EXOC4: variants seen among roughly 807,000 people sequenced by gnomAD.
EXOC4 encodes the protein SEC8-like 1.
EXOC4 carries 71 observed loss-of-function variants against 107.2 expected under a neutral mutation model. The observed-to-expected ratio is 0.66, with a 90% confidence interval of 0.55 to 0.81. The LOEUF (loss-of-function observed/expected upper bound fraction) is 0.81, where lower values mean the gene tolerates loss of function less well. Among genes scored for constraint, EXOC4 ranks in the 30% least tolerant of loss-of-function variants. The probability of loss-of-function intolerance (pLI) is 0.00; values close to 1 mark genes in which losing one functional copy is unlikely to be tolerated. For missense variants in EXOC4, 1,108 were observed against 1,189.6 expected, an observed-to-expected ratio of 0.93 and a Z score of 1.01; for synonymous variants, 456 against 441.2, an observed-to-expected ratio of 1.03 and a Z score of -0.42.
intron 5 of EXOC4, among the ~76,000 whole-genome samples, chr7:133,339,866 C>CT: frequency 6.6e-6 from 1 of 152,144 alleles, no homozygotes; most frequent in Admixed American, 6.5e-5. Flanking sequence ...ATTTTGTACT[C>CT]TGAAACTTCA....
intron 11 of EXOC4, among the ~76,000 whole-genome samples, chr7:133,887,474 C>T (rs958415348): frequency 9.2e-5 from 14 of 152,152 alleles, no homozygotes; most frequent in Non-Finnish European, 1.8e-4. Context: ...AGACGAAATA[C>T]ACCTGAGATG....
Position 134,007,910 on chromosome 7 carries a change from T to C in EXOC4, c.2687+75T>C, listed in dbSNP as rs1214457786. 2.2e-6 allele frequency: 3 copies of C among 1,375,570 alleles called. No homozygotes were observed. In the African/African-American group the frequency reaches 4.3e-5, roughly 20 times the overall value. 85.2% of individuals were successfully genotyped at this position (1,375,570 alleles called of 1,614,324 possible). ...TTGCCTGTGAAGTCATTTTTAAAAA[T>C]AGACTCTTGGTGCAGAAAAAGCTTA... is the stretch of plus-strand genomic sequence containing the variant. On this transcript the variant is annotated intron_variant, in intron 17 of 17. Transcript: ENST00000253861.
intron 10 of EXOC4, among the ~76,000 whole-genome samples, chr7:133,750,768 AG>A (rs1795779413): frequency 6.6e-6 from 1 of 151,952 alleles, no homozygotes; most frequent in Admixed American, 6.6e-5. Context: ...TTCTGTAGAT[AG>A]GGGATCTCCC....
chr7:133,792,036 A>G (rs1005697398), intron 10 of EXOC4, among the ~76,000 whole-genome samples: 9 of 152,064 alleles, frequency 5.9e-5, no homozygotes, highest in African/African-American at 2.2e-4. Context: ...GGTACCTTTG[A>G]GAATCTGATG....
chr7:133,994,045 T>C (rs1298744089), intron 14 of EXOC4, among the ~76,000 whole-genome samples: 2 of 152,208 alleles, frequency 1.3e-5, no homozygotes, highest in East Asian at 1.9e-4. Context: ...CAAAGACCAA[T>C]GTTCAGCTTC....
At chr7:133,400,438 A>C (rs1304710336) in intron 7 of EXOC4, among the ~76,000 whole-genome samples, 1 of 152,200 alleles carries the variant, frequency 6.6e-6, no homozygotes, top group Non-Finnish European at 1.5e-5. Flanking sequence ...CCATGTAATA[A>C]GTTACTTCCT....
chr7:133,928,657 C>G (rs1260703121), intron 13 of EXOC4, among the ~76,000 whole-genome samples: 1 of 152,106 alleles, frequency 6.6e-6, no homozygotes, highest in Non-Finnish European at 1.5e-5. Context: ...TGAGTCAAAC[C>G]AGTAAGCAGA....
At chr7:133,813,502 G>A (rs188166677) in intron 10 of EXOC4, among the ~76,000 whole-genome samples, 1 of 152,064 alleles carries the variant, frequency 6.6e-6, no homozygotes, top group Non-Finnish European at 1.5e-5. Flanking sequence ...GTTTTCTTTT[G>A]GAAGGCAACC....
At chr7:133,947,337 G>A (rs929335153) in intron 14 of EXOC4, among the ~76,000 whole-genome samples, 1 of 152,098 alleles carries the variant, frequency 6.6e-6, no homozygotes, top group African/African-American at 2.4e-5. Flanking sequence ...TTGTGTGGTT[G>A]CTTTCAAAAC....
chr7:133,404,871 G>GCCC (rs149404161), intron 7 of EXOC4, among the ~76,000 whole-genome samples: 1 of 86,718 alleles, frequency 1.2e-5, no homozygotes, highest in Non-Finnish European at 2.3e-5. Context: ...CACCCCCTGC[G>GCCC]CCCCCCCCCC....
intron 10 of EXOC4, among the ~76,000 whole-genome samples, chr7:133,747,545 A>G (rs1261804502): frequency 6.6e-6 from 1 of 152,204 alleles, no homozygotes; most frequent in Non-Finnish European, 1.5e-5. Context: ...TTTATTTAAA[A>G]TCACACTAGA....
At chr7:133,795,976 A>G (rs1042556399) in intron 10 of EXOC4, among the ~76,000 whole-genome samples, 5 of 152,204 alleles carry the variant, frequency 3.3e-5, no homozygotes, top group South Asian at 2.1e-4. Context: ...ATTGATCACT[A>G]TGGTAGATAC....
chr7:133,671,187 T>C (rs917225007), intron 10 of EXOC4, among the ~76,000 whole-genome samples: 6 of 152,188 alleles, frequency 3.9e-5, no homozygotes, highest in Non-Finnish European at 8.8e-5. Flanking sequence ...TAATAAGGAC[T>C]TTGAATTTTA....
At chr7:133,611,559 A>G (rs908741282) in intron 9 of EXOC4, among the ~76,000 whole-genome samples, 1 of 151,010 alleles carries the variant, frequency 6.6e-6, no homozygotes, top group Non-Finnish European at 1.5e-5. Flanking sequence ...TGGTCTGCCT[A>G]CCTCCCTTCT....
At chr7:133,695,250 T>C (rs4731977) in intron 10 of EXOC4, among the ~76,000 whole-genome samples, 149,829 of 152,064 alleles carry the variant, frequency 0.99, 73,867 homozygotes, top group Middle Eastern at 1. Context: ...TGGGTTTTTT[T>C]ATTTAACATA....
intron 13 of EXOC4, among the ~76,000 whole-genome samples, chr7:133,923,025 G>A (rs1429680147): frequency 1.5e-4 from 22 of 151,510 alleles, no homozygotes; most frequent in Non-Finnish European, 3.1e-4. Context: ...CATTTTGGTT[G>A]GGTATATCCT....
At chr7:133,849,720 G>A (rs574539264) in intron 11 of EXOC4, among the ~76,000 whole-genome samples, 23 of 152,220 alleles carry the variant, frequency 1.5e-4, no homozygotes, top group African/African-American at 4.6e-4. Context: ...TGAAAGAAGC[G>A]ATAACGTCTG....
chr7:134,021,443 A>G (rs1266480665), intron 17 of EXOC4, among the ~76,000 whole-genome samples: 1 of 152,206 alleles, frequency 6.6e-6, no homozygotes, highest in Non-Finnish European at 1.5e-5. Context: ...AGTAATTCAA[A>G]ATGTAAACGT....
chr7:133,346,966 C>T (rs1337746867), intron 5 of EXOC4, among the ~76,000 whole-genome samples: 1 of 152,006 alleles, frequency 6.6e-6, no homozygotes, highest in African/African-American at 2.4e-5. Context: ...CCCTTATTTT[C>T]TGGGGTTTGG....
Sources: gnomAD v4.1 joint callset for allele counts (sites outside exome capture counted in the v4.1 genomes callset) on GRCh38, gnomAD v4.1.1 for gene constraint, MANE v1.5 for transcripts, NCBI Gene and HGNC (gene_info 2026-07-23, HGNC 2026-07-21) for gene names.